Variants in METTL13 observed in about 807,000 individuals in gnomAD.
METTL13 encodes methyltransferase 13, eEF1A N-terminus and K55.
In METTL13, 52 loss-of-function variants were observed where a neutral mutation model predicts 67.4. The ratio of observed to expected loss-of-function variants is 0.77; its 90% CI spans 0.62 to 0.97. The LOEUF (loss-of-function observed/expected upper bound fraction) is 0.97, where lower values mean the gene tolerates loss of function less well. METTL13 is among the 50% of genes least tolerant of loss of function. The pLI is 0.00. For synonymous variants in METTL13, 354 were observed against 353.6 expected, an observed-to-expected ratio of 1.00 and a Z score of -0.01; for missense variants, 825 against 889.6, an observed-to-expected ratio of 0.93 and a Z score of 0.92.
intron 4 of METTL13, among the ~76,000 whole-genome samples, chr1:171,788,237 G>A (rs967706961): frequency 1.3e-5 from 2 of 152,234 alleles, no homozygotes; most frequent in Non-Finnish European, 2.9e-5. Flanking sequence ...AGGCCTCTGT[G>A]AGGTGAGCCA....
rs755530071 is a variant in METTL13, at chr1:171,781,952, C to T, written c.-16C>T. ...GAATAGGGGAGTCTTGAAAACGCAGCTTCGGCAGTAGGAACATGAACCTCT... is the reference window on the plus strand; with the variant it reads ...GAATAGGGGAGTCTTGAAAACGCAGTTTCGGCAGTAGGAACATGAACCTCT... On this transcript the variant is annotated 5_prime_UTR_variant, in exon 1 of 8. Coordinates refer to ENST00000361735, the MANE Select transcript of METTL13 (RefSeq NM_015935.5). 1.4e-5 allele frequency: 23 copies of T among 1,613,724 alleles called. No homozygotes were observed. The South Asian group carries it at 2.2e-4, about 15-fold the overall frequency.
chr1:171,795,935 T>C (rs1326591076), intron 7 of METTL13, among the ~76,000 whole-genome samples: 1 of 152,182 alleles, frequency 6.6e-6, no homozygotes, highest in Non-Finnish European at 1.5e-5. Flanking sequence ...CTCTGCCTCC[T>C]GGGTTCAAGA....
chr1:171,783,653 C>T, intron 1 of METTL13, 87 bp from the exon 2 acceptor site: 2 of 1,473,986 alleles, frequency 1.4e-6, no homozygotes, highest in Non-Finnish European at 1.8e-6. Context: ...TGTGACTCAG[C>T]CAAGGTGAGA....
chr1:171,793,507 T>C (rs927655343), intron 6 of METTL13, among the ~76,000 whole-genome samples: 1 of 152,240 alleles, frequency 6.6e-6, no homozygotes. Flanking sequence ...TGAGCCAACA[T>C]GTTCTCTTTG....
At position 171,784,066 on chromosome 1, in the gene METTL13, C is replaced by T. The variant is rs1656917289; in HGVS notation, c.480C>T (p.Ser160=). 2.5e-6 allele frequency: 4 copies of T among 1,614,124 alleles called. No homozygotes were observed. Among genetic ancestry groups the T allele is most frequent in the Admixed American group, 3.3e-5 (2 of 60,012 alleles). ...TGGGCGGTCGCTATCTCTGCATCTC[C>T]CTGGCTCAGGCTCACATCCTGAAGA... The part of the protein sequence containing the change: ...LQVGGRYLCI[S]LAQAHILKKA... The change falls in exon 2 of 8, where the codon TCC becomes TCT. Residue 160 remains serine, a synonymous_variant. Transcript: ENST00000361735.
At chr1:171,786,844 TA>T (rs982486470) in intron 3 of METTL13, among the ~76,000 whole-genome samples, 3 of 152,054 alleles carry the variant, frequency 2.0e-5, no homozygotes, top group African/African-American at 7.2e-5. Flanking sequence ...GTTTTTTTTT[TA>T]CATTTTTTGT....
chr1:171,789,971 G>T (rs868464975), intron 4 of METTL13, among the ~76,000 whole-genome samples: 1 of 152,176 alleles, frequency 6.6e-6, no homozygotes, highest in Non-Finnish European at 1.5e-5. Flanking sequence ...GTAAAGAAAA[G>T]ACTTTTATTT....
In METTL13 at chr1:171,782,023, A is replaced by C; in HGVS notation, c.56A>C (p.Lys19Thr). 6.2e-7 allele frequency: 1 copy of C among 1,614,114 alleles called. No homozygotes were observed. The highest frequency in any genetic ancestry group is 8.5e-7 in the Non-Finnish European group (1 of 1,180,028). ...REFGSVDYWEKFFQQRGKKAF... is the reference protein window; with the variant it reads ...REFGSVDYWETFFQQRGKKAF... Reference sequence around the variant, plus strand: ...TTTGGCTCCGTTGACTATTGGGAGAAGTTCTTCCAGCAGCGAGGAAAGAAA... The same window carrying C: ...TTTGGCTCCGTTGACTATTGGGAGACGTTCTTCCAGCAGCGAGGAAAGAAA... Residue 19 changes from lysine (K) to threonine (T), a missense_variant, in exon 1 of 8, where the codon AAG becomes ACG. Transcript: ENST00000361735.
chr1:171,797,056 G>A lies in METTL13; in HGVS notation c.*300G>A, dbSNP rs1253042479. ...ACACACTGCATGCCTTAACAAGTGTGTGCAAGCCCCTCAGAACTCAAGACA... is the reference window on the plus strand; with the variant it reads ...ACACACTGCATGCCTTAACAAGTGTATGCAAGCCCCTCAGAACTCAAGACA... On this transcript the variant is annotated 3_prime_UTR_variant, in exon 8 of 8. Transcript: ENST00000361735. 4 of 348,826 alleles carry A rather than the reference G, an allele frequency of 1.1e-5. No individual in the cohort carries two copies. The highest frequency in any genetic ancestry group is 2.1e-5 in the Non-Finnish European group (4 of 187,392). The allele number at this position is 348,826 out of a possible 1,614,324, so 21.6% of individuals were successfully genotyped here.
chr1:171,787,657 C>A, intron 3 of METTL13, 78 bp from the exon 4 acceptor site: 2 of 1,373,092 alleles, frequency 1.5e-6, no homozygotes, highest in Non-Finnish European at 2.0e-6. Flanking sequence ...TATATACACA[C>A]AAAAGGGAAG....
At position 171,782,061 on chromosome 1, in the gene METTL13, T is replaced by A; in HGVS notation, c.94T>A (p.Tyr32Asn). 1 of 1,613,952 alleles carries A rather than the reference T, an allele frequency of 6.2e-7. No individual in the cohort carries two copies. The highest frequency in any genetic ancestry group is 8.5e-7 in the Non-Finnish European group (1 of 1,179,968). ...QQRGKKAFEW[Y>N]GTYLELCGVL... ...GCGAGGAAAGAAAGCTTTCGAGTGGTATGGAACCTACCTGGAACTGTGCGG... is the reference window on the plus strand; with the variant it reads ...GCGAGGAAAGAAAGCTTTCGAGTGGAATGGAACCTACCTGGAACTGTGCGG... The change falls in exon 1 of 8, where the codon TAT (tyrosine) becomes AAT (asparagine). Residue 32 changes from tyrosine (Y) to asparagine (N), a missense_variant. By Grantham distance (143) the Tyr-to-Asn change is moderately radical. Transcript: ENST00000361735.
chr1:171,783,123 C>A (rs760213087), intron 1 of METTL13, among the ~76,000 whole-genome samples: 9 of 150,464 alleles, frequency 6.0e-5, no homozygotes, highest in Non-Finnish European at 1.2e-4. Context: ...TAAACTCAGG[C>A]CTGTCTGGCT....
rs1341720064 is a variant in METTL13, at chr1:171,797,224, C to G, written c.*468C>G. The G allele has an allele frequency of 6.4e-6, 1 of 155,280 alleles. No individual in the cohort carries two copies. Among genetic ancestry groups the G allele is most frequent in the Non-Finnish European group, 1.4e-5 (1 of 70,102 alleles). 9.6% of individuals were successfully genotyped at this position (155,280 alleles called of 1,614,324 possible). ...GAGTAAGGTTTCTATAGATGTGAGA[C>G]AGATTTGAGAGAGCATTTACTCTGT... On this transcript the variant is annotated 3_prime_UTR_variant, in exon 8 of 8. Transcript: ENST00000361735.
rs1657386395 is a variant in METTL13, at chr1:171,796,598, G to A, written c.1942G>A (p.Glu648Lys). The change falls in exon 8 of 8, where the codon GAG (glutamate) becomes AAG (lysine). Residue 648 changes from glutamate (E) to lysine (K), a missense_variant. Coordinates refer to ENST00000361735, the MANE Select transcript of METTL13 (RefSeq NM_015935.5). Reference sequence around the variant, plus strand: ...CCGGCGAATTGAGGGTGAAGTGAATGAGATCCTGTTCTGTCAGCTGCACCC... The same window carrying A: ...CCGGCGAATTGAGGGTGAAGTGAATAAGATCCTGTTCTGTCAGCTGCACCC... ...YVRRIEGEVN[E>K]ILFCQLHPEQ... The A allele has an allele frequency of 6.2e-7, 1 of 1,614,212 alleles. No individual in the cohort carries two copies. Among genetic ancestry groups the A allele is most frequent in the Admixed American group, 1.7e-5 (1 of 60,024 alleles).
chr1:171,784,550 C>T (rs1413702047), intron 2 of METTL13, 51 bp downstream of exon 2: 4 of 1,415,146 alleles, frequency 2.8e-6, no homozygotes, highest in Non-Finnish European at 3.7e-6. Context: ...CTTACAGGGG[C>T]TGGGGCTTGG....
At chr1:171,796,375 C>T (rs1657376169) in intron 7 of METTL13, 107 bp from the exon 8 acceptor site, 1 of 1,360,198 alleles carries the variant, frequency 7.4e-7, no homozygotes, top group Admixed American at 1.9e-5. Flanking sequence ...GTGTTTTAGT[C>T]CACCAGTCTC....
chr1:171,790,426 C>A, intron 4 of METTL13, 26 bp from the exon 5 acceptor site: 2 of 1,560,648 alleles, frequency 1.3e-6, no homozygotes, highest in Non-Finnish European at 1.7e-6. Flanking sequence ...GTGTACTAAG[C>A]ATAGGGCTTC....
rs779472612 is a variant in METTL13, at chr1:171,787,909, C to T, written c.1288C>T (p.Leu430=). Residue 430 remains leucine, a synonymous_variant, in exon 4 of 8, where the codon CTG becomes TTG. Coordinates refer to ENST00000361735, the MANE Select transcript of METTL13 (RefSeq NM_015935.5). The stretch of plus-strand genomic sequence containing the variant: ...TGTGGTGCAGTCCGAAGCCAGGTTG[C>T]TGAAGGATGTGTCTCACAAAGGTGA... The part of the protein sequence containing the change: ...RNVVQSEARL[L]KDVSHKAQKK... 2.0e-5 allele frequency: 33 copies of T among 1,613,574 alleles called. No homozygotes were observed. The highest frequency in any genetic ancestry group is 2.5e-5 in the Non-Finnish European group (29 of 1,179,964).
At chr1:171,786,124 T>C in intron 3 of METTL13, 46 bp downstream of exon 3, 1 of 1,566,262 alleles carries the variant, frequency 6.4e-7, no homozygotes, top group Non-Finnish European at 8.7e-7. Flanking sequence ...GAAGTCATGT[T>C]AGCAGCCAGG....
Sources: gnomAD v4.1 joint callset for allele counts (sites outside exome capture counted in the v4.1 genomes callset) on GRCh38, gnomAD v4.1.1 for gene constraint, MANE v1.5 for transcripts, NCBI Gene and HGNC (gene_info 2026-07-23, HGNC 2026-07-21) for gene names.